CDIN1: variants seen among roughly 807,000 people sequenced by gnomAD.
The protein encoded by CDIN1 is CDAN1 interacting nuclease 1.
CDIN1 carries 33 observed loss-of-function variants against 45.3 expected under a neutral mutation model. That is an observed-to-expected ratio of 0.73 (90% CI 0.55 to 0.97). The LOEUF (loss-of-function observed/expected upper bound fraction) is 0.97. Ranked by LOEUF, CDIN1 falls within the 50% of genes least tolerant of loss-of-function variation. The pLI, the probability that CDIN1 is intolerant of heterozygous loss-of-function variation, is 0.00. For missense variants in CDIN1, 303 were observed against 339.4 expected, an observed-to-expected ratio of 0.89 and a Z score of 0.84; for synonymous variants, 118 against 124.4, an observed-to-expected ratio of 0.95 and a Z score of 0.34.
rs34007525 is a variant in CDIN1, at chr15:36,662,854, G to GTTT, written c.346+4966_346+4968dup. Among the ~76,000 whole-genome samples, 43 of 122,882 alleles carry GTTT rather than the reference G, an allele frequency of 3.5e-4. 2 individuals carry two copies. The highest frequency in any genetic ancestry group is 5.4e-4 in the Non-Finnish European group (33 of 60,882). 80.6% of individuals were successfully genotyped at this position (122,882 alleles called of 152,430 possible). On this transcript the variant is annotated intron_variant, in intron 5 of 10. Coordinates refer to ENST00000566621, the MANE Select transcript of CDIN1 (RefSeq NM_001321759.2). Reference sequence around the variant, plus strand: ...GGGACCAGAAGTGTTTCAGATTTTAGTTTTTTTTTTTTTTTTTTTGGATTT... The same window carrying GTTT: ...GGGACCAGAAGTGTTTCAGATTTTAGTTTTTTTTTTTTTTTTTTTTTTGGATTT...
At chr15:36,665,703 G>A (rs1377557096) in intron 5 of CDIN1, among the ~76,000 whole-genome samples, 1 of 152,094 alleles carries the variant, frequency 6.6e-6, no homozygotes, top group East Asian at 1.9e-4. Flanking sequence ...CACCACTGGA[G>A]CTTTTGTCTT....
chr15:36,662,134 T>A (rs7161972), intron 5 of CDIN1, among the ~76,000 whole-genome samples: 2 of 152,200 alleles, frequency 1.3e-5, no homozygotes, highest in Admixed American at 6.5e-5. Context: ...TTTATACAGC[T>A]TACCTTTGCT....
intron 10 of CDIN1, among the ~76,000 whole-genome samples, chr15:36,751,681 T>C (rs2053475109): frequency 6.6e-6 from 1 of 152,122 alleles, no homozygotes; most frequent in Admixed American, 6.6e-5. Context: ...CATTCTGTTA[T>C]AAAGATACAT....
intron 10 of CDIN1, among the ~76,000 whole-genome samples, chr15:36,766,056 G>A (rs779495126): frequency 1.3e-5 from 2 of 152,094 alleles, no homozygotes; most frequent in Non-Finnish European, 2.9e-5. Flanking sequence ...ATTGAACAGC[G>A]ACTTCCCCTT....
intron 5 of CDIN1, among the ~76,000 whole-genome samples, chr15:36,663,412 A>G (rs2140494972): frequency 6.6e-6 from 1 of 152,264 alleles, no homozygotes; most frequent in African/African-American, 2.4e-5. Flanking sequence ...ATCTCCACCA[A>G]ATCTCATCTT....
intron 10 of CDIN1, among the ~76,000 whole-genome samples, chr15:36,780,273 G>A (rs2054318256): frequency 6.6e-6 from 1 of 152,184 alleles, no homozygotes; most frequent in South Asian, 2.1e-4. Context: ...GAGTCTTCAT[G>A]CCTTTATGCC....
At position 36,804,674 on chromosome 15, in the gene CDIN1, C is replaced by CTTTTTTTTTTTTTTT. The variant is rs3045810; in HGVS notation, c.717-3644_717-3630dup. The CTTTTTTTTTTTTTTT allele has an allele frequency of 5.9e-5, 5 of 84,884 alleles. 2 individuals are homozygous for CTTTTTTTTTTTTTTT. Among genetic ancestry groups the CTTTTTTTTTTTTTTT allele is most frequent in the African/African-American group, 1.5e-4 (3 of 20,662 alleles). 5.3% of individuals were successfully genotyped at this position (84,884 alleles called of 1,614,324 possible). A position where few individuals can be genotyped will look rare whatever the true frequency, so the allele number is the denominator to read the frequency against. On this transcript the variant is annotated intron_variant, in intron 10 of 10. Coordinates refer to ENST00000566621, the MANE Select transcript of CDIN1 (RefSeq NM_001321759.2). The stretch of plus-strand genomic sequence containing the variant: ...AAAATGAAATGAAACCAGAGAATCA[C>CTTTTTTTTTTTTTTT]TTTTTTTTTTTTTTTTTTTTCAGAG...
chr15:36,801,186 G>A (rs923288547), intron 10 of CDIN1, among the ~76,000 whole-genome samples: 1 of 151,478 alleles, frequency 6.6e-6, no homozygotes, highest in Non-Finnish European at 1.5e-5. Context: ...GAGAATCCTT[G>A]TTTATGCAAT....
chr15:36,586,752 A>G (rs2037320397), intron 1 of CDIN1, among the ~76,000 whole-genome samples: 1 of 152,212 alleles, frequency 6.6e-6, no homozygotes, highest in Admixed American at 6.5e-5. Flanking sequence ...GTACTCCAGC[A>G]TGGGCAACAT....
At chr15:36,728,175 T>C (rs1031732656) in intron 10 of CDIN1, among the ~76,000 whole-genome samples, 1 of 152,210 alleles carries the variant, frequency 6.6e-6, no homozygotes, top group Non-Finnish European at 1.5e-5. Context: ...TTTTTTGTCA[T>C]GCATCACTCT....
intron 1 of CDIN1, among the ~76,000 whole-genome samples, chr15:36,582,492 A>G (rs1268204439): frequency 2.0e-5 from 3 of 152,226 alleles, no homozygotes; most frequent in Non-Finnish European, 4.4e-5. Context: ...TACAGTTATG[A>G]TGCCTATGAT....
chr15:36,803,192 A>G (rs986434715), intron 10 of CDIN1, among the ~76,000 whole-genome samples: 7 of 151,572 alleles, frequency 4.6e-5, no homozygotes, highest in African/African-American at 1.7e-4. Context: ...TTACCAAAAC[A>G]ATAGAACTGG....
chr15:36,796,525 C>A (rs1850625196), intron 10 of CDIN1, among the ~76,000 whole-genome samples: 1 of 152,176 alleles, frequency 6.6e-6, no homozygotes, highest in African/African-American at 2.4e-5. Flanking sequence ...ACCACACAGA[C>A]CCTCAGCACA....
At chr15:36,677,863 A>G (rs946758639) in intron 5 of CDIN1, among the ~76,000 whole-genome samples, 5 of 152,178 alleles carry the variant, frequency 3.3e-5, no homozygotes, top group African/African-American at 4.8e-5. Flanking sequence ...TATTCATAGC[A>G]TTAACCAGGT....
At chr15:36,751,869 C>T (rs2053482409) in intron 10 of CDIN1, among the ~76,000 whole-genome samples, 1 of 152,112 alleles carries the variant, frequency 6.6e-6, no homozygotes, top group Non-Finnish European at 1.5e-5. Flanking sequence ...GAGCTGGAAG[C>T]CATTATGCTC....
intron 7 of CDIN1, among the ~76,000 whole-genome samples, chr15:36,695,520 C>G (rs1372228481): frequency 1.3e-5 from 2 of 152,114 alleles, no homozygotes; most frequent in African/African-American, 4.8e-5. Context: ...AATTCCCCAG[C>G]CTCCCTGAAC....
intron 10 of CDIN1, among the ~76,000 whole-genome samples, chr15:36,761,102 A>G (rs139641416): frequency 6.6e-6 from 1 of 152,304 alleles, no homozygotes; most frequent in Non-Finnish European, 1.5e-5. Context: ...CTAAAAGCTA[A>G]GGCACTTAAC....
rs58603040 is a variant in CDIN1 at position 36,619,469 on chromosome 15, TTCTATCTATCTATCTA to T, written c.102-24774_102-24759del. On this transcript the variant is annotated intron_variant, in intron 1 of 10. Transcript: ENST00000566621. ...ATGTGATTTATAAATGCTGGAGGATTTCTATCTATCTATCTATCTATCTATCTATCTATCTATCTAT... is the reference window on the plus strand; with the variant it reads ...ATGTGATTTATAAATGCTGGAGGATTTCTATCTATCTATCTATCTATCTAT... Among the ~76,000 whole-genome samples the T allele has an allele frequency of 4.3e-4, 64 of 147,162 alleles. 1 individual carries two copies. The South Asian group carries it at 6.0e-3, about 14-fold the overall frequency.
At chr15:36,710,050 C>A in intron 10 of CDIN1, 89 bp downstream of exon 10, 2 of 918,634 alleles carry the variant, frequency 2.2e-6, no homozygotes, top group Non-Finnish European at 3.3e-6. Context: ...GGTAAAAATG[C>A]TAGTAGCCGT....
Sources: gnomAD v4.1 joint callset for allele counts (sites outside exome capture counted in the v4.1 genomes callset) on GRCh38, gnomAD v4.1.1 for gene constraint, MANE v1.5 for transcripts, NCBI Gene and HGNC (gene_info 2026-07-23, HGNC 2026-07-21) for gene names.